Variants in CDH23 observed in about 807,000 individuals in gnomAD.
CDH23 encodes cadherin-23.
A neutral mutation model predicts 317.1 loss-of-function variants in CDH23; 189 were observed. The observed-to-expected ratio is 0.60, with a 90% CI of 0.53 to 0.67. CDH23 has a LOEUF of 0.67. Among genes scored for constraint, CDH23 ranks in the 30% least tolerant of loss-of-function variants. The pLI is 0.00. For synonymous variants in CDH23, 1,839 were observed against 1,876.8 expected, an observed-to-expected ratio of 0.98 and a Z score of 0.52; for missense variants, 4,401 against 4,592.4, an observed-to-expected ratio of 0.96 and a Z score of 1.20.
At chr10:71,606,732 A>G (rs896485996) in intron 9 of CDH23, among the ~76,000 whole-genome samples, 4 of 152,116 alleles carry the variant, frequency 2.6e-5, no homozygotes, top group Non-Finnish European at 4.4e-5. Flanking sequence ...TAATGGAGAG[A>G]GAGTGACAGG....
At chr10:71,478,251 C>T (rs901002624) in intron 3 of CDH23, among the ~76,000 whole-genome samples, 1 of 152,234 alleles carries the variant, frequency 6.6e-6, no homozygotes, top group African/African-American at 2.4e-5. Context: ...GCCGAGTGCT[C>T]TCAGCTTCTC....
intron 11 of CDH23, among the ~76,000 whole-genome samples, chr10:71,638,962 G>T (rs1862402682): frequency 6.6e-6 from 1 of 152,200 alleles, no homozygotes. Flanking sequence ...CCTCGTGGGG[G>T]TGGGAAAGCT....
intron 3 of CDH23, among the ~76,000 whole-genome samples, chr10:71,478,379 C>T (rs1851899094): frequency 6.6e-6 from 1 of 152,180 alleles, no homozygotes; most frequent in Non-Finnish European, 1.5e-5. Context: ...CCTGCAGTTC[C>T]CTCTGCCTAG....
intron 36 of CDH23, among the ~76,000 whole-genome samples, chr10:71,740,104 T>C (rs1158039268): frequency 1.3e-5 from 2 of 152,092 alleles, no homozygotes; most frequent in African/African-American, 4.8e-5. Flanking sequence ...CTTGGACAGG[T>C]TATTAACTCT....
At chr10:71,519,207 G>A (rs751038082) in intron 6 of CDH23, among the ~76,000 whole-genome samples, 2 of 152,130 alleles carry the variant, frequency 1.3e-5, no homozygotes, top group South Asian at 2.1e-4. Flanking sequence ...GGGATTCTAC[G>A]GCACTCACCG....
At chr10:71,520,851 T>C (rs1589159574) in intron 6 of CDH23, among the ~76,000 whole-genome samples, 1 of 152,142 alleles carries the variant, frequency 6.6e-6, no homozygotes, top group Admixed American at 6.6e-5. Flanking sequence ...CCCTGTGACA[T>C]GGAGGCCCAC....
intron 37 of CDH23, 94 bp from the exon 38 acceptor site, chr10:71,741,600 G>C: frequency 9.8e-7 from 1 of 1,018,302 alleles, no homozygotes; most frequent in Admixed American, 2.1e-5. Flanking sequence ...GCTTTTGGGA[G>C]GTACAGGGGG....
At chr10:71,802,800 C>T in intron 53 of CDH23, 98 bp from the exon 54 acceptor site, 1 of 1,308,280 alleles carries the variant, frequency 7.6e-7, no homozygotes, top group Non-Finnish European at 1.1e-6. Context: ...AGGCTGGTGC[C>T]TGTCCTTCCT....
chr10:71,423,829 C>G (rs1163315956), intron 1 of CDH23, among the ~76,000 whole-genome samples: 4 of 152,196 alleles, frequency 2.6e-5, no homozygotes, highest in African/African-American at 9.6e-5. Context: ...GCTCGCTGGG[C>G]AGGGCAGGAC....
At chr10:71,766,625 T>G (rs1840551801) in intron 38 of CDH23, among the ~76,000 whole-genome samples, 1 of 152,176 alleles carries the variant, frequency 6.6e-6, no homozygotes, top group East Asian at 1.9e-4. Flanking sequence ...CTTATGACCA[T>G]GTATTATGTG....
At chr10:71,705,694 G>A (rs1258116529) in intron 25 of CDH23, among the ~76,000 whole-genome samples, 1 of 152,180 alleles carries the variant, frequency 6.6e-6, no homozygotes, top group Non-Finnish European at 1.5e-5. Flanking sequence ...GAAGGGACGG[G>A]GTACTGTTTC....
At chr10:71,686,398 G>A (rs1020502683) in intron 18 of CDH23, among the ~76,000 whole-genome samples, 3 of 152,100 alleles carry the variant, frequency 2.0e-5, no homozygotes, top group African/African-American at 7.2e-5. Flanking sequence ...AGGTCAGCGT[G>A]ACCCAGGGTG....
rs182647000 is a variant in CDH23 at position 71,805,820 on chromosome 10, C to T, written c.7887C>T (p.Arg2629=). 2 of 1,613,372 alleles carry T rather than the reference C, an allele frequency of 1.2e-6. No individual in the cohort carries two copies. Among genetic ancestry groups the T allele is most frequent in the Admixed American group, 1.7e-5 (1 of 59,978 alleles). The change falls in exon 56 of 70, where the codon CGC becomes CGT. Residue 2629 remains arginine, a synonymous_variant. Coordinates refer to ENST00000224721, the MANE Select transcript of CDH23 (RefSeq NM_022124.6). ...ILHIREEIPL[R]SNVYEVYATD... Reference sequence around the variant, plus strand: ...GCTCCCCACAGGAGATCCCGCTGCGCTCCAACGTGTACGAGGTCTACGCCA... The same window carrying T: ...GCTCCCCACAGGAGATCCCGCTGCGTTCCAACGTGTACGAGGTCTACGCCA...
At chr10:71,446,230 C>T in intron 2 of CDH23, 88 bp from the exon 3 acceptor site, 2 of 1,245,710 alleles carry the variant, frequency 1.6e-6, no homozygotes, top group Non-Finnish European at 2.4e-6. Flanking sequence ...GCTCAGTGCC[C>T]ACTGCAGCCC....
At chr10:71,535,726 G>A (rs1180767587) in intron 6 of CDH23, among the ~76,000 whole-genome samples, 1 of 152,230 alleles carries the variant, frequency 6.6e-6, no homozygotes. Flanking sequence ...TGAGCCCCAG[G>A]GCAGGGACTT....
intron 16 of CDH23, among the ~76,000 whole-genome samples, chr10:71,678,475 G>A (rs1864467716): frequency 6.6e-6 from 1 of 152,182 alleles, no homozygotes; most frequent in Non-Finnish European, 1.5e-5. Context: ...TCCCCATGCT[G>A]CCTACCCCAA....
chr10:71,687,383 G>T (rs576158328), intron 18 of CDH23, among the ~76,000 whole-genome samples: 2 of 152,070 alleles, frequency 1.3e-5, no homozygotes, highest in Non-Finnish European at 2.9e-5. Flanking sequence ...AGCTGCTGCC[G>T]GCACACTCCC....
chr10:71,768,422 C>T (rs1301771965), intron 38 of CDH23, among the ~76,000 whole-genome samples: 1 of 152,154 alleles, frequency 6.6e-6, no homozygotes, highest in Non-Finnish European at 1.5e-5. Flanking sequence ...CCACCCGCCT[C>T]GTCCTCCCCA....
chr10:71,694,047 A>C, intron 20 of CDH23, 100 bp from the exon 21 acceptor site: 2 of 922,038 alleles, frequency 2.2e-6, no homozygotes, highest in Non-Finnish European at 3.5e-6. Context: ...TTCTCGTGCA[A>C]GTTCTCACCC....
Sources: gnomAD v4.1 joint callset for allele counts (sites outside exome capture counted in the v4.1 genomes callset) on GRCh38, gnomAD v4.1.1 for gene constraint, MANE v1.5 for transcripts, NCBI Gene and HGNC (gene_info 2026-07-23, HGNC 2026-07-21) for gene names.